LRRC49: variants seen among roughly 807,000 people sequenced by gnomAD.
LRRC49 encodes leucine rich repeat containing 49.
Under a neutral mutation model 83.3 loss-of-function variants are expected in LRRC49, and 50 were observed. The ratio of observed to expected loss-of-function variants is 0.60; its 90% confidence interval spans 0.48 to 0.76. LRRC49 has a LOEUF of 0.76. Among genes scored for constraint, LRRC49 ranks in the 30% least tolerant of loss-of-function variants. The pLI is 0.00. For missense variants in LRRC49, 704 were observed against 809.1 expected (o/e 0.87, Z 1.58); for synonymous variants, 286 against 283.3 (o/e 1.01, Z -0.10).
rs556883594 is a variant in LRRC49 at position 70,886,879 on chromosome 15, A to G, written c.19-6705A>G. On this transcript the variant is annotated intron_variant, in intron 2 of 16. Coordinates refer to the LRRC49 transcript ENST00000544974. ...AGCCTCTGTCTAAAAAAGAAAAAAA[A>G]AAATCGATAAACCATCTGGTGAAGC... Among the ~76,000 whole-genome samples, 6 of 152,258 alleles carry G rather than the reference A, an allele frequency of 3.9e-5. No individual in the cohort carries two copies. In the East Asian group the frequency reaches 1.2e-3, roughly 29 times the overall value.
intron 9 of LRRC49, among the ~76,000 whole-genome samples, chr15:70,978,390 T>A (rs577098440): frequency 6.6e-6 from 1 of 152,278 alleles, no homozygotes; most frequent in East Asian, 1.9e-4. Flanking sequence ...ACATTGTCTT[T>A]GAAAGTTTTC....
intron 11 of LRRC49, among the ~76,000 whole-genome samples, 194 bp from the exon 12 acceptor site, chr15:71,008,183 CTT>C (rs1462220184): frequency 6.6e-6 from 1 of 151,672 alleles, no homozygotes; most frequent in African/African-American, 2.4e-5. Context: ...TAACATGCCT[CTT>C]AAATTAAAAT....
chr15:70,985,346 A>T (rs1301824994), intron 11 of LRRC49, among the ~76,000 whole-genome samples: 1 of 151,486 alleles, frequency 6.6e-6, no homozygotes, highest in African/African-American at 2.4e-5. Flanking sequence ...ATGGTATCTC[A>T]TTGTGGTTTT....
intron 1 of LRRC49, among the ~76,000 whole-genome samples, chr15:70,870,951 T>TG (rs1237598337): frequency 9.1e-5 from 3 of 32,860 alleles, no homozygotes; most frequent in South Asian, 9.2e-4. Flanking sequence ...CTTAGTTTTT[T>TG]TTTTTTTTTT....
chr15:71,010,890 A>G (rs1001655020), intron 13 of LRRC49, among the ~76,000 whole-genome samples: 3 of 152,114 alleles, frequency 2.0e-5, no homozygotes, highest in African/African-American at 7.2e-5. Context: ...TTGTAAGATT[A>G]ACTGTAATCA....
At chr15:70,989,816 A>T (rs2037789955) in intron 11 of LRRC49, among the ~76,000 whole-genome samples, 1 of 152,008 alleles carries the variant, frequency 6.6e-6, no homozygotes, top group African/African-American at 2.4e-5. Flanking sequence ...TTTGGTGTGG[A>T]TGTCCTTTCT....
At position 71,021,090 on chromosome 15, in the gene LRRC49, C is replaced by T. The variant is rs149241482; in HGVS notation, c.1703+8177C>T. Reference sequence around the variant, plus strand: ...AAATCTCATGTTTTAAGAAAGTTTACAAATTTATGTTGGGCCACGTTCAAA... The same window carrying T: ...AAATCTCATGTTTTAAGAAAGTTTATAAATTTATGTTGGGCCACGTTCAAA... On this transcript the variant is annotated intron_variant, in intron 14 of 15. Transcript: ENST00000260382. Among the ~76,000 whole-genome samples the T allele has an allele frequency of 1.1e-3, 164 of 152,208 alleles. 3 individuals are homozygous for T. In the East Asian group the frequency reaches 0.03, roughly 27 times the overall value.
chr15:70,928,784 C>G lies in LRRC49; in HGVS notation c.712-7977C>G, dbSNP rs763507217. On this transcript the variant is annotated intron_variant, in intron 7 of 15. Coordinates refer to ENST00000260382, the MANE Select transcript of LRRC49 (RefSeq NM_017691.5). ...TTCACCACATTGGTCAGGCTGGTCTCGAACTCCTGATCTCAAATGATCCAC... is the reference window on the plus strand; with the variant it reads ...TTCACCACATTGGTCAGGCTGGTCTGGAACTCCTGATCTCAAATGATCCAC... 2.6e-4 allele frequency among the ~76,000 whole-genome samples: 39 copies of G among 152,196 alleles called. 1 individual carries two copies. The highest frequency in any genetic ancestry group is 3.3e-4 in the Admixed American group (5 of 15,296).
rs567176038 is a variant in LRRC49, at chr15:70,916,520, C to G, written c.568-2530C>G. Among the ~76,000 whole-genome samples, 13 of 152,292 alleles carry G rather than the reference C, an allele frequency of 8.5e-5. No homozygotes were observed. The South Asian group carries it at 2.1e-3, about 24-fold the overall frequency. On this transcript the variant is annotated intron_variant, in intron 6 of 15. Coordinates refer to ENST00000260382, the MANE Select transcript of LRRC49 (RefSeq NM_017691.5). Reference sequence around the variant, plus strand: ...ATGTTGGTCAGGCTGGTCTCAAACTCCTGACCTCAAGTGATCCACCTACCT... The same window carrying G: ...ATGTTGGTCAGGCTGGTCTCAAACTGCTGACCTCAAGTGATCCACCTACCT...
At chr15:70,961,226 T>A (rs533787692) in intron 8 of LRRC49, among the ~76,000 whole-genome samples, 1 of 152,190 alleles carries the variant, frequency 6.6e-6, no homozygotes, top group Non-Finnish European at 1.5e-5. Context: ...GATACCACTA[T>A]GTACCTCTTG....
intron 8 of LRRC49, among the ~76,000 whole-genome samples, chr15:70,960,204 G>T (rs1028999639): frequency 1.3e-5 from 2 of 152,184 alleles, no homozygotes; most frequent in Non-Finnish European, 2.9e-5. Flanking sequence ...AACAAGCAGT[G>T]CCAGTGTTAC....
chr15:70,968,620 T>G (rs894183665), intron 9 of LRRC49, among the ~76,000 whole-genome samples: 10 of 152,186 alleles, frequency 6.6e-5, no homozygotes, highest in Admixed American at 6.5e-5. Context: ...GCATTCCTAT[T>G]TGTCCACATT....
chr15:70,994,452 T>C (rs2038008859), intron 11 of LRRC49, among the ~76,000 whole-genome samples: 1 of 151,696 alleles, frequency 6.6e-6, no homozygotes, highest in South Asian at 2.1e-4. Flanking sequence ...CACCTATTCT[T>C]CCATATGAGC....
At chr15:70,882,813 T>G in intron 2 of LRRC49, 2 of 1,614,224 alleles carry the variant, frequency 1.2e-6, no homozygotes, top group Non-Finnish European at 1.7e-6. Flanking sequence ...TTTTATGCAC[T>G]GGGCCTTCTT....
intron 15 of LRRC49, among the ~76,000 whole-genome samples, chr15:71,048,388 C>G (rs140494443): frequency 0.011 from 1,641 of 152,142 alleles, 30 homozygotes; most frequent in African/African-American, 0.037. Context: ...AGCTACCATG[C>G]CTGGCTTATG....
At chr15:71,031,935 G>A (rs2039367122) in intron 14 of LRRC49, among the ~76,000 whole-genome samples, 1 of 152,178 alleles carries the variant, frequency 6.6e-6, no homozygotes, top group African/African-American at 2.4e-5. Context: ...TGGACTCTGT[G>A]GGAGTGGGAC....
intron 7 of LRRC49, among the ~76,000 whole-genome samples, chr15:70,927,152 G>A (rs796971891): frequency 7.9e-5 from 12 of 152,276 alleles, no homozygotes; most frequent in African/African-American, 2.9e-4. Flanking sequence ...ACTCCCAGCA[G>A]CAATAGAGAG....
chr15:70,918,966 G>T (rs985474364), intron 6 of LRRC49, 84 bp from the exon 7 acceptor site: 8 of 1,105,438 alleles, frequency 7.2e-6, no homozygotes, highest in Middle Eastern at 3.1e-4. Flanking sequence ...TAGTGACTTC[G>T]AATATTTTAT....
At chr15:70,989,989 G>A (rs1384689376) in intron 11 of LRRC49, among the ~76,000 whole-genome samples, 2 of 152,174 alleles carry the variant, frequency 1.3e-5, no homozygotes, top group African/African-American at 2.4e-5. Context: ...CGTTCCTCTT[G>A]AAGTTTTGTC....
Sources: allele counts gnomAD v4.1 joint callset (sites outside exome capture counted in the v4.1 genomes callset), GRCh38; gene constraint gnomAD v4.1.1; transcripts MANE v1.5; gene names NCBI Gene and HGNC (gene_info 2026-07-23, HGNC 2026-07-21).